The following SRGAP1 variants were observed in gnomAD, a reference collection of about 807,000 sequenced individuals.
SRGAP1 encodes the protein SLIT-ROBO Rho GTPase activating protein 1.
Under a neutral mutation model 121.9 loss-of-function variants are expected in SRGAP1, and 43 were observed. That is an observed-to-expected ratio of 0.35 (90% CI 0.28 to 0.46). The LOEUF is 0.46. Ranked by LOEUF, SRGAP1 falls within the 20% of genes least tolerant of loss-of-function variation. The pLI is 1.00. For missense variants in SRGAP1, 1,102 were observed against 1,350.9 expected, an observed-to-expected ratio of 0.82 and a Z score of 2.89; for synonymous variants, 447 against 485.4, an observed-to-expected ratio of 0.92 and a Z score of 1.04.
chr12:64,000,706 ACT>A (rs1458451613), intron 3 of SRGAP1, among the ~76,000 whole-genome samples: 1 of 152,166 alleles, frequency 6.6e-6, no homozygotes, highest in East Asian at 1.9e-4. Context: ...TTGATCCAAG[ACT>A]CTGCCAAGGG....
At chr12:63,934,509 C>T (rs1381402552) in intron 1 of SRGAP1, among the ~76,000 whole-genome samples, 1 of 152,198 alleles carries the variant, frequency 6.6e-6, no homozygotes, top group African/African-American at 2.4e-5. Context: ...CTCTTTACAG[C>T]TCCATTGTTT....
chr12:64,008,938 T>C (rs1457051355), intron 3 of SRGAP1, among the ~76,000 whole-genome samples: 2 of 152,144 alleles, frequency 1.3e-5, no homozygotes, highest in African/African-American at 4.8e-5. Flanking sequence ...ATAATATACT[T>C]ATAATCCCAG....
intron 1 of SRGAP1, chr12:63,879,553 A>T (rs1328458396): frequency 6.6e-6 from 1 of 152,226 alleles, no homozygotes; most frequent in Non-Finnish European, 1.5e-5. Context: ...CATTTTCTAA[A>T]TGCTTACTGT....
intron 1 of SRGAP1, among the ~76,000 whole-genome samples, chr12:63,953,431 C>A (rs1459654886): frequency 9.5e-5 from 12 of 126,398 alleles, no homozygotes; most frequent in Non-Finnish European, 1.9e-4. Flanking sequence ...GTGGTAGGAT[C>A]TCACTCTGTG....
At chr12:64,081,907 C>CT (rs1406457954) in intron 10 of SRGAP1, 1 of 128,690 alleles carries the variant, frequency 7.8e-6, no homozygotes, top group Non-Finnish European at 1.6e-5. Flanking sequence ...TAGGTTTGAA[C>CT]TTTAAAAAAA....
rs2036439600 is a variant in SRGAP1 at position 64,112,132 on chromosome 12, G to A, written c.2144+146G>A. On this transcript the variant is annotated intron_variant, in intron 17 of 21. Transcript: ENST00000355086. ...CAGTAAAACTTGAAATAAATTTTTA[G>A]AATACTAAGACCCATGGAAACTCAT... 4.6e-6 allele frequency: 3 copies of A among 653,452 alleles called. No individual in the cohort carries two copies. The Admixed American group carries it at 8.9e-5, about 19-fold the overall frequency. The allele number at this position is 653,452 out of a possible 1,614,324, so 40.5% of individuals were successfully genotyped here. A position where few individuals can be genotyped will look rare whatever the true frequency, so the allele number is the denominator to read the frequency against.
chr12:64,159,963 CATA>C lies in SRGAP1; in HGVS notation c.*17294_*17296del, dbSNP rs1446764216. 6.6e-6 allele frequency: 1 copy of C among 152,180 alleles called. No individual in the cohort carries two copies. The highest frequency in any genetic ancestry group is 1.5e-5 in the Non-Finnish European group (1 of 68,042). 9.4% of individuals were successfully genotyped at this position (152,180 alleles called of 1,614,324 possible). ...TTTCTTTTTTCTTTTCCCTGGAGTT[CATA>C]ATTACCTTTGTTTCATTTGCTTAGC... On this transcript the variant is annotated 3_prime_UTR_variant, in exon 22 of 22. Coordinates refer to ENST00000355086, the MANE Select transcript of SRGAP1 (RefSeq NM_020762.4).
intron 14 of SRGAP1, 60 bp from the exon 15 acceptor site, chr12:64,097,181 T>C (rs570378657): frequency 4.0e-6 from 6 of 1,511,616 alleles, no homozygotes; most frequent in Middle Eastern, 3.5e-4. Context: ...CATAGAAATA[T>C]ATTTTTGTTC....
At chr12:64,092,632 C>T (rs2036075765) in intron 12 of SRGAP1, among the ~76,000 whole-genome samples, 1 of 152,098 alleles carries the variant, frequency 6.6e-6, no homozygotes, top group Non-Finnish European at 1.5e-5. Flanking sequence ...CCAGAAGAAC[C>T]TTATTGGCTC....
chr12:64,085,336 TAATA>T (rs2035918438), intron 10 of SRGAP1, among the ~76,000 whole-genome samples: 1 of 152,222 alleles, frequency 6.6e-6, no homozygotes, highest in Admixed American at 6.5e-5. Flanking sequence ...TTGTTGTTAC[TAATA>T]TATATTGCAT....
chr12:64,137,750 G>A (rs369666132), intron 21 of SRGAP1, among the ~76,000 whole-genome samples: 9 of 151,906 alleles, frequency 5.9e-5, no homozygotes, highest in South Asian at 2.1e-4. Flanking sequence ...AACAATAGCC[G>A]CAGCCTCAAA....
chr12:64,139,380 C>A (rs973956153), intron 21 of SRGAP1, among the ~76,000 whole-genome samples: 13 of 152,118 alleles, frequency 8.5e-5, no homozygotes, highest in African/African-American at 2.4e-4. Flanking sequence ...ATGAATGAAG[C>A]CAGATTTTTT....
At chr12:64,032,924 A>G (rs1054903732) in intron 4 of SRGAP1, among the ~76,000 whole-genome samples, 5 of 152,284 alleles carry the variant, frequency 3.3e-5, no homozygotes, top group South Asian at 2.1e-4. Flanking sequence ...ATCATTATAC[A>G]AAGTATGTGT....
intron 3 of SRGAP1, among the ~76,000 whole-genome samples, chr12:63,999,010 G>A (rs2033797804): frequency 6.6e-6 from 1 of 152,128 alleles, no homozygotes; most frequent in Non-Finnish European, 1.5e-5. Flanking sequence ...AGAACAGCAT[G>A]TTAATTGTAC....
chr12:64,119,469 GA>G lies in SRGAP1; in HGVS notation c.2224+3578del, dbSNP rs147172308. On this transcript the variant is annotated intron_variant, in intron 18 of 21. Coordinates refer to ENST00000355086, the MANE Select transcript of SRGAP1 (RefSeq NM_020762.4). ...AATTCTACCTATATTAATATGGGGA[GA>G]ATTAATATCGTTACAATATTCAATA... Among the ~76,000 whole-genome samples, 222 of 152,158 alleles carry G rather than the reference GA, an allele frequency of 1.5e-3. 1 individual carries two copies. The highest frequency in any genetic ancestry group is 5.3e-3 in the African/African-American group (218 of 41,514).
rs960528754 is a variant in SRGAP1 at position 64,049,469 on chromosome 12, G to A, written c.801+5894G>A. 3.3e-5 allele frequency among the ~76,000 whole-genome samples: 5 copies of A among 152,134 alleles called. No individual in the cohort carries two copies. In the East Asian group the frequency reaches 7.7e-4, roughly 23 times the overall value. On this transcript the variant is annotated intron_variant, in intron 6 of 21. Transcript: ENST00000355086. ...AAAGAGATGTGCCAAGCAAGGAAAA[G>A]CCCCATATAAAACCATCAGATCTTG...
rs1269215046 is a variant in SRGAP1 at position 64,155,711 on chromosome 12, C to G, written c.*13039C>G. 6.6e-6 allele frequency: 1 copy of G among 152,026 alleles called. No individual in the cohort carries two copies. The highest frequency in any genetic ancestry group is 2.4e-5 in the African/African-American group (1 of 41,390). 9.4% of individuals were successfully genotyped at this position (152,026 alleles called of 1,614,324 possible). A position where few individuals can be genotyped will look rare whatever the true frequency, so the allele number is the denominator to read the frequency against. ...GGCTCACCACGACCTCGGCTCACCG[C>G]AACCTCTGCCTCCCGGTTTCAAGCG... On this transcript the variant is annotated 3_prime_UTR_variant, in exon 22 of 22. Coordinates refer to ENST00000355086, the MANE Select transcript of SRGAP1 (RefSeq NM_020762.4).
chr12:63,908,382 T>G (rs1403586537), intron 1 of SRGAP1, among the ~76,000 whole-genome samples: 1 of 152,186 alleles, frequency 6.6e-6, no homozygotes, highest in Non-Finnish European at 1.5e-5. Flanking sequence ...TCTTTAATAT[T>G]TTTCAACAAT....
chr12:64,131,056 T>A (rs2036776694), intron 21 of SRGAP1, among the ~76,000 whole-genome samples: 1 of 152,222 alleles, frequency 6.6e-6, no homozygotes, highest in Non-Finnish European at 1.5e-5. Context: ...TCCATGTTGC[T>A]GAGCCCATGA....
Sources: allele counts gnomAD v4.1 joint callset (sites outside exome capture counted in the v4.1 genomes callset), GRCh38; gene constraint gnomAD v4.1.1; transcripts MANE v1.5; gene names NCBI Gene and HGNC (gene_info 2026-07-23, HGNC 2026-07-21).